Variants in PCDHA2 observed in about 807,000 individuals in gnomAD.
The protein encoded by PCDHA2 is protocadherin alpha 2.
Under a neutral mutation model 66.0 loss-of-function variants are expected in PCDHA2, and 58 were observed. The ratio of observed to expected loss-of-function variants is 0.88; its 90% CI spans 0.71 to 1.09. The LOEUF is 1.09. Among genes scored for constraint, PCDHA2 ranks in the 50% least tolerant of loss-of-function variants. The pLI is 0.00. For synonymous variants in PCDHA2, 634 were observed against 554.0 expected (o/e 1.14, Z -2.03); for missense variants, 1,267 against 1,242.3 (o/e 1.02, Z -0.30).
At chr5:140,965,312 C>G (rs543157988) in intron 1 of PCDHA2, among the ~76,000 whole-genome samples, 1 of 152,258 alleles carries the variant, frequency 6.6e-6, no homozygotes, top group East Asian at 1.9e-4. Context: ...TCTACCTTCT[C>G]TTTTACTGAA....
chr5:140,924,036 C>A (rs2081633869), intron 1 of PCDHA2, among the ~76,000 whole-genome samples: 1 of 152,162 alleles, frequency 6.6e-6, no homozygotes, highest in African/African-American at 2.4e-5. Context: ...TGGCTGCAGA[C>A]CTAAAAGTTC....
At position 140,809,763 on chromosome 5, in the gene PCDHA2, T is replaced by C. The variant is rs186235899; in HGVS notation, c.2388+12411T>C. ...TATATTGCCTTCCTTCATTTTATGC[T>C]GCATTATTCAATGCATATTAACAGA... On this transcript the variant is annotated intron_variant, in intron 1 of 3. Transcript: ENST00000526136. The C allele has an allele frequency of 3.8e-4, 230 of 599,182 alleles. 1 individual carries two copies. The highest frequency in any genetic ancestry group is 9.1e-4 in the Middle Eastern group (2 of 2,206). 37.1% of individuals were successfully genotyped at this position (599,182 alleles called of 1,614,324 possible).
chr5:140,803,759 T>G (rs1037330523), intron 1 of PCDHA2: 1 of 1,198,196 alleles, frequency 8.3e-7, no homozygotes, highest in Admixed American at 2.7e-5. Context: ...TTGTTGCTAA[T>G]TTTTGAACCA....
chr5:140,848,048 A>G, intron 1 of PCDHA2: 1 of 161,290 alleles, frequency 6.2e-6, no homozygotes, highest in Admixed American at 5.8e-5. Context: ...GAATCATTTT[A>G]ATTGTTACTT....
At chr5:140,966,677 A>C in intron 1 of PCDHA2, 1 of 1,313,088 alleles carries the variant, frequency 7.6e-7, no homozygotes, top group Non-Finnish European at 9.8e-7. Flanking sequence ...GCAGGGTGGC[A>C]CGAGCGGAGG....
chr5:140,875,378 T>C (rs758524366), intron 1 of PCDHA2: 85 of 1,458,484 alleles, frequency 5.8e-5, no homozygotes, highest in Non-Finnish European at 7.4e-5. Context: ...TTACTAAATA[T>C]GTACTTACAG....
intron 1 of PCDHA2, among the ~76,000 whole-genome samples, chr5:140,955,016 T>C (rs1389069329): frequency 6.6e-6 from 1 of 152,226 alleles, no homozygotes; most frequent in Admixed American, 6.5e-5. Context: ...CCCAGCACCA[T>C]TTATTAAATA....
chr5:140,828,214 C>T (rs1161769031), intron 1 of PCDHA2: 8 of 1,614,030 alleles, frequency 5.0e-6, no homozygotes, highest in African/African-American at 4.0e-5. Context: ...AGGCCAAACA[C>T]GGCACCTTCG....
intron 1 of PCDHA2, chr5:140,817,686 C>G (rs2150098767): frequency 6.6e-6 from 1 of 152,170 alleles, no homozygotes; most frequent in African/African-American, 2.4e-5. Flanking sequence ...GTTCTAGACA[C>G]ACAGTACATT....
chr5:140,801,333 G>A (rs1581641335), intron 1 of PCDHA2: 2 of 1,613,254 alleles, frequency 1.2e-6, no homozygotes, highest in South Asian at 1.1e-5. Context: ...CACCTTCGTG[G>A]GCCGCATCGC....
intron 1 of PCDHA2, chr5:140,850,151 G>A (rs1554143863): frequency 3.1e-6 from 5 of 1,595,466 alleles, no homozygotes; most frequent in Admixed American, 1.7e-5. Flanking sequence ...TGACGCTGCA[G>A]GTGTTCGTGC....
chr5:140,795,972 T>G lies in PCDHA2; in HGVS notation c.1008T>G (p.Ile336Met). The change falls in exon 1 of 4, where the codon ATT becomes ATG. Residue 336 changes from isoleucine to methionine, a missense_variant. Transcript: ENST00000526136. ...CTTCAATGTCAGGACATTGTAAAAT[T>G]TCATTAAAACTTGTGGACATCAATG... ...GTPSMSGHCKISLKLVDINDN... is the reference protein window; with the variant it reads ...GTPSMSGHCKMSLKLVDINDN... 6.2e-7 allele frequency: 1 copy of G among 1,614,034 alleles called. No individual in the cohort carries two copies. The highest frequency in any genetic ancestry group is 8.5e-7 in the Non-Finnish European group (1 of 1,180,000).
chr5:140,969,642 A>G (rs2096350693), intron 1 of PCDHA2: 1 of 206,874 alleles, frequency 4.8e-6, no homozygotes, highest in African/African-American at 2.4e-5. Context: ...GCCTTGGAAT[A>G]GGGATTATGT....
chr5:140,882,049 T>C, intron 1 of PCDHA2: 1 of 752,814 alleles, frequency 1.3e-6, no homozygotes, highest in Non-Finnish European at 2.1e-6. Flanking sequence ...TGAGTCATAC[T>C]TACACTTACA....
At chr5:140,802,983 G>T in intron 1 of PCDHA2, 4 of 1,614,026 alleles carry the variant, frequency 2.5e-6, no homozygotes, top group South Asian at 1.1e-5. Flanking sequence ...GAAGGTGCGC[G>T]CAGTGGATGC....
At chr5:140,841,722 G>T in intron 1 of PCDHA2, 1 of 1,613,870 alleles carries the variant, frequency 6.2e-7, no homozygotes, top group Non-Finnish European at 8.5e-7. Flanking sequence ...CCAGTGTTCC[G>T]GGTAAAAGAC....
intron 3 of PCDHA2, among the ~76,000 whole-genome samples, chr5:140,989,660 G>T (rs1369597923): frequency 6.6e-6 from 1 of 152,180 alleles, no homozygotes; most frequent in Non-Finnish European, 1.5e-5. Context: ...TATTTTAAAA[G>T]AAACTCTGCC....
chr5:140,968,405 G>C (rs2096244938), intron 1 of PCDHA2: 7 of 1,614,002 alleles, frequency 4.3e-6, no homozygotes, highest in Non-Finnish European at 5.9e-6. Flanking sequence ...GGAGTTCTTT[G>C]TGACTGTGGA....
At chr5:140,981,207 T>C (rs1163326728) in intron 2 of PCDHA2, among the ~76,000 whole-genome samples, 1 of 152,230 alleles carries the variant, frequency 6.6e-6, no homozygotes, top group Non-Finnish European at 1.5e-5. Context: ...TTGCCTCATA[T>C]AACCCCTTTA....
Sources: allele counts gnomAD v4.1 joint callset (sites outside exome capture counted in the v4.1 genomes callset), GRCh38; gene constraint gnomAD v4.1.1; transcripts MANE v1.5; gene names NCBI Gene and HGNC (gene_info 2026-07-23, HGNC 2026-07-21).